NEO1: variants seen among roughly 807,000 people sequenced by gnomAD.
NEO1 encodes neogenin 1, also known as neogenin.
In NEO1, 63 loss-of-function variants were observed where a neutral mutation model predicts 159.7. The ratio of observed to expected loss-of-function variants is 0.39; its 90% CI spans 0.32 to 0.49. NEO1 has a LOEUF of 0.49. Among genes scored for constraint, NEO1 ranks in the 20% least tolerant of loss-of-function variants. The pLI is 0.85. For synonymous variants in NEO1, 633 were observed against 662.0 expected, an observed-to-expected ratio of 0.96 and a Z score of 0.67; for missense variants, 1,615 against 1,831.0, an observed-to-expected ratio of 0.88 and a Z score of 2.15.
At chr15:73,086,898 C>T (rs754291057) in intron 1 of NEO1, among the ~76,000 whole-genome samples, 4 of 152,054 alleles carry the variant, frequency 2.6e-5, no homozygotes, top group Admixed American at 6.6e-5. Flanking sequence ...TCATGTGATT[C>T]ACCTGCCTCG....
intron 7 of NEO1, among the ~76,000 whole-genome samples, chr15:73,202,736 A>G (rs919604948): frequency 3.3e-5 from 5 of 152,202 alleles, no homozygotes; most frequent in Admixed American, 3.3e-4. Context: ...ACTGCTATCC[A>G]TCTCAAGAAC....
At chr15:73,232,398 T>C (rs2038957899) in intron 7 of NEO1, among the ~76,000 whole-genome samples, 1 of 152,256 alleles carries the variant, frequency 6.6e-6, no homozygotes, top group Non-Finnish European at 1.5e-5. Flanking sequence ...TCAGCAGTTA[T>C]GCTCAAATAC....
chr15:73,128,335 T>G (rs891124704), intron 4 of NEO1, among the ~76,000 whole-genome samples: 12 of 152,058 alleles, frequency 7.9e-5, no homozygotes, highest in African/African-American at 2.7e-4. Context: ...TGGCTACAAG[T>G]TAGAACAAAA....
rs200234656 is a variant in NEO1, at chr15:73,273,888, C to T, written c.3043C>T (p.Leu1015=). 3.5e-5 allele frequency: 57 copies of T among 1,614,008 alleles called. No homozygotes were observed. The highest frequency in any genetic ancestry group is 1.2e-5 in the Non-Finnish European group (14 of 1,180,014). Residue 1015 remains leucine, a synonymous_variant, in exon 20 of 29, where the codon CTG becomes TTG. Transcript: ENST00000261908. ...WVIEPVVGNR[L]THQIQELTLD... is the part of the protein sequence containing the mutation. ...TATTGAGCCTGTTGTGGGAAACAGA[C>T]TGACTCACCAGATACAAGAGTTAAC...
chr15:73,245,450 G>A (rs2039739249), intron 9 of NEO1, among the ~76,000 whole-genome samples: 1 of 152,114 alleles, frequency 6.6e-6, no homozygotes, highest in Non-Finnish European at 1.5e-5. Context: ...CTTAAGTTTG[G>A]ATTGTAAACT....
chr15:73,197,569 G>A (rs951164776), intron 7 of NEO1, among the ~76,000 whole-genome samples: 1 of 152,000 alleles, frequency 6.6e-6, no homozygotes, highest in Non-Finnish European at 1.5e-5. Flanking sequence ...ATATGGAAAA[G>A]GATCAAGAAA....
chr15:73,236,317 C>T, intron 7 of NEO1, 30 bp from the exon 8 acceptor site: 1 of 1,614,162 alleles, frequency 6.2e-7, no homozygotes, highest in Non-Finnish European at 8.5e-7. Flanking sequence ...CCTCCCACTT[C>T]ACTGACCAGT....
chr15:73,204,712 A>G (rs951280749), intron 7 of NEO1, among the ~76,000 whole-genome samples: 1 of 152,102 alleles, frequency 6.6e-6, no homozygotes, highest in African/African-American at 2.4e-5. Flanking sequence ...AGTCATAGTT[A>G]TTTGAAATAC....
intron 7 of NEO1, among the ~76,000 whole-genome samples, chr15:73,220,198 G>T (rs1212692819): frequency 2.0e-5 from 3 of 152,056 alleles, no homozygotes; most frequent in Admixed American, 6.5e-5. Context: ...AGTTTGGCTG[G>T]ATATGAAATT....
chr15:73,277,050 C>A (rs562200945), intron 21 of NEO1, among the ~76,000 whole-genome samples: 1 of 152,138 alleles, frequency 6.6e-6, no homozygotes, highest in South Asian at 2.1e-4. Context: ...AAGTGGATAC[C>A]ATTATTATCC....
At chr15:73,231,712 AC>A (rs2038921044) in intron 7 of NEO1, among the ~76,000 whole-genome samples, 1 of 152,086 alleles carries the variant, frequency 6.6e-6, no homozygotes, top group Non-Finnish European at 1.5e-5. Flanking sequence ...ATAGAGCAAG[AC>A]CCTGAATATG....
intron 1 of NEO1, among the ~76,000 whole-genome samples, chr15:73,069,614 C>G (rs2068435562): frequency 6.6e-6 from 1 of 151,552 alleles, no homozygotes; most frequent in Admixed American, 6.6e-5. Flanking sequence ...TATTCTCTGA[C>G]TAGATGATTA....
At chr15:73,113,602 C>T (rs1308602628) in intron 1 of NEO1, among the ~76,000 whole-genome samples, 1 of 152,138 alleles carries the variant, frequency 6.6e-6, no homozygotes, top group Non-Finnish European at 1.5e-5. Context: ...GTGCCATCTT[C>T]ATTTTGTACC....
chr15:73,158,358 T>C (rs977342684), intron 5 of NEO1, among the ~76,000 whole-genome samples: 1 of 151,980 alleles, frequency 6.6e-6, no homozygotes, highest in African/African-American at 2.4e-5. Context: ...GATTGATATA[T>C]TTACAGAATT....
intron 9 of NEO1, among the ~76,000 whole-genome samples, chr15:73,245,886 A>C (rs934118428): frequency 6.6e-6 from 1 of 151,862 alleles, no homozygotes; most frequent in Non-Finnish European, 1.5e-5. Context: ...CGGCCACCTC[A>C]GTGTATTCTT....
intron 16 of NEO1, among the ~76,000 whole-genome samples, 174 bp from the exon 17 acceptor site, chr15:73,269,836 A>G (rs1349655527): frequency 1.3e-5 from 2 of 152,238 alleles, no homozygotes; most frequent in Non-Finnish European, 2.9e-5. Context: ...TCCTGAAAGA[A>G]CACAAGTGGA....
At chr15:73,106,977 T>C (rs1006684747) in intron 1 of NEO1, among the ~76,000 whole-genome samples, 1 of 152,254 alleles carries the variant, frequency 6.6e-6, no homozygotes, top group African/African-American at 2.4e-5. Context: ...TATATCTTGC[T>C]GGTTTTACCC....
intron 5 of NEO1, among the ~76,000 whole-genome samples, chr15:73,157,744 T>C (rs936109662): frequency 6.6e-6 from 1 of 152,268 alleles, no homozygotes; most frequent in African/African-American, 2.4e-5. Flanking sequence ...GGATGAGATA[T>C]GCTGGAAATG....
At chr15:73,148,525 C>A (rs144539639) in intron 5 of NEO1, among the ~76,000 whole-genome samples, 34 of 152,200 alleles carry the variant, frequency 2.2e-4, no homozygotes, top group African/African-American at 7.7e-4. Context: ...GTATTTCTTC[C>A]CCCGCTACCT....
Sources: allele counts gnomAD v4.1 joint callset (sites outside exome capture counted in the v4.1 genomes callset), GRCh38; gene constraint gnomAD v4.1.1; transcripts MANE v1.5; gene names NCBI Gene and HGNC (gene_info 2026-07-23, HGNC 2026-07-21).